The following EPG5 variants were observed in gnomAD, a reference collection of about 807,000 sequenced individuals.
EPG5 encodes ectopic P-granules 5 autophagy tethering factor.
Under a neutral mutation model 302.7 loss-of-function variants are expected in EPG5, and 159 were observed. The ratio of observed to expected loss-of-function variants is 0.53; its 90% confidence interval spans 0.46 to 0.60. The LOEUF is 0.60. Among genes scored for constraint, EPG5 ranks in the 20% least tolerant of loss-of-function variants. The pLI, the probability that EPG5 is intolerant of heterozygous loss-of-function variation, is 0.00. For synonymous variants in EPG5, 1,158 were observed against 1,136.8 expected (o/e 1.02, Z -0.37); for missense variants, 2,896 against 3,092.4 (o/e 0.94, Z 1.51).
Position 45,848,124 on chromosome 18 carries a change from G to C in EPG5, c.*4343C>G, listed in dbSNP as rs902925560. The C allele has an allele frequency of 6.6e-5, 10 of 152,138 alleles. No homozygotes were observed. Among genetic ancestry groups the C allele is most frequent in the African/African-American group, 2.4e-4 (10 of 41,430 alleles). The allele number at this position is 152,138 out of a possible 1,614,324, so 9.4% of individuals were successfully genotyped here. A position where few individuals can be genotyped will look rare whatever the true frequency, so the allele number is the denominator to read the frequency against. ...CCGGACCAAAATGAAGTCTGCGTTA[G>C]TAAGTCTAGAACTTTACCCAGCACA... is the stretch of plus-strand genomic sequence containing the variant. On this transcript the variant is annotated 3_prime_UTR_variant, in exon 44 of 44. Transcript: ENST00000282041.
chr18:45,851,292 C>T lies in EPG5; in HGVS notation c.*1175G>A, dbSNP rs969296434. The stretch of plus-strand genomic sequence containing the variant: ...CATCTAGAGCTGATAGAATGAGGAA[C>T]GTGGGAACAGAAGTCAAACTGCTCA... On this transcript the variant is annotated 3_prime_UTR_variant, in exon 44 of 44. Transcript: ENST00000282041. 9.2e-5 allele frequency: 14 copies of T among 152,160 alleles called. No individual in the cohort carries two copies. The highest frequency in any genetic ancestry group is 3.4e-4 in the African/African-American group (14 of 41,530). 9.4% of individuals were successfully genotyped at this position (152,160 alleles called of 1,614,324 possible).
chr18:45,915,908 G>T, intron 19 of EPG5, 101 bp downstream of exon 19: 1 of 1,067,330 alleles, frequency 9.4e-7, no homozygotes, highest in Non-Finnish European at 1.3e-6. Flanking sequence ...GAAGGTAATG[G>T]CCACAGAGTA....
the EPG5 span, chr18:45,837,479 G>A: frequency 6.9e-7 from 1 of 1,444,160 alleles, no homozygotes; most frequent in Non-Finnish European, 9.0e-7. Flanking sequence ...CGACCCCAGG[G>A]CCCCGAGCCT....
chr18:45,869,888 G>C (rs759759312), intron 36 of EPG5, among the ~76,000 whole-genome samples: 13 of 148,170 alleles, frequency 8.8e-5, no homozygotes, highest in Non-Finnish European at 1.5e-4. Flanking sequence ...ATGAACAAAT[G>C]AACTGAAACT....
chr18:45,913,587 G>C lies in EPG5; in HGVS notation c.3816+119C>G, dbSNP rs1308004152. On this transcript the variant is annotated intron_variant, in intron 21 of 43. Coordinates refer to ENST00000282041, the MANE Select transcript of EPG5 (RefSeq NM_020964.3). Reference sequence around the variant, plus strand: ...AGTTTTAAGTATTGGTTTGGTTGTTGAGCTTTCCAAACATTCACAACAAAA... The same window carrying C: ...AGTTTTAAGTATTGGTTTGGTTGTTCAGCTTTCCAAACATTCACAACAAAA... 7.1e-6 allele frequency: 9 copies of C among 1,258,974 alleles called. No homozygotes were observed. In the East Asian group the frequency reaches 1.7e-4, roughly 23 times the overall value. 78.0% of individuals were successfully genotyped at this position (1,258,974 alleles called of 1,614,324 possible).
In EPG5 at chr18:45,952,531, T is replaced by C. The variant is rs778126200; in HGVS notation, c.1121A>G (p.His374Arg). 10 of 1,613,960 alleles carry C rather than the reference T, an allele frequency of 6.2e-6. No individual in the cohort carries two copies. Among genetic ancestry groups the C allele is most frequent in the Non-Finnish European group, 7.6e-6 (9 of 1,180,018 alleles). Residue 374 changes from histidine (H) to arginine (R), a missense_variant, in exon 3 of 44, where the codon CAC becomes CGC. This residue lies in a region of EPG5 where 1,390 missense variants were observed against 1,430.0 expected (regional missense o/e 0.97). Transcript: ENST00000282041. ...ATGAAGGGCCAGGGTCTGGTGGAGG[T>C]GCTCAGATTTGGCATCGAATAGCTT... ...LKKLFDAKSE[H>R]LHQTLALHSY...
intron 1 of EPG5, among the ~76,000 whole-genome samples, chr18:45,956,680 G>A (rs1328516541): frequency 6.6e-6 from 1 of 151,952 alleles, no homozygotes; most frequent in Non-Finnish European, 1.5e-5. Context: ...TGATCCGTCC[G>A]CCTCAGCCTC....
chr18:45,949,141 A>C (rs2050850275), intron 5 of EPG5, among the ~76,000 whole-genome samples: 1 of 152,086 alleles, frequency 6.6e-6, no homozygotes, highest in African/African-American at 2.4e-5. Context: ...ACCTGTACCA[A>C]CTGTGGTGTA....
rs779267206 is a variant in EPG5 at position 45,934,801 on chromosome 18, G to A, written c.2257+8C>T. ...GAGCTGGACGCCGACTGCTCGGCGG[G>A]GCTGTACCTTGGAGCTGCTGCTTGC... On this transcript the variant is annotated splice_region_variant and intron_variant, in intron 11 of 43. Coordinates refer to ENST00000282041, the MANE Select transcript of EPG5 (RefSeq NM_020964.3). The A allele has an allele frequency of 1.2e-6, 2 of 1,609,530 alleles. No homozygotes were observed. Among genetic ancestry groups the A allele is most frequent in the Non-Finnish European group, 8.5e-7 (1 of 1,178,448 alleles).
At chr18:45,830,752 ATT>A in the EPG5 span, among the ~76,000 whole-genome samples, 52 of 118,116 alleles carry the variant, frequency 4.4e-4, no homozygotes, top group African/African-American at 1.5e-3. Context: ...TGCCAGGCTA[ATT>A]TTTTTTTTTT....
chr18:45,955,183 A>G lies in EPG5; in HGVS notation c.219T>C (p.Ser73=), dbSNP rs1182586725. 1 of 1,613,968 alleles carries G rather than the reference A, an allele frequency of 6.2e-7. No homozygotes were observed. Among genetic ancestry groups the G allele is most frequent in the East Asian group, 2.2e-5 (1 of 44,890 alleles). The change falls in exon 2 of 44, where the codon AGT becomes AGC. Residue 73 remains serine (S), a synonymous_variant. Coordinates refer to ENST00000282041, the MANE Select transcript of EPG5 (RefSeq NM_020964.3). ...CAAACATTTCACTCTCATTTTGTCC[A>G]CTGGCATCATCCTGGAGCTGGGAAT... is the stretch of plus-strand genomic sequence containing the variant. ...VTDSQLQDDA[S]GQNESEMFDV... is the part of the protein sequence containing the mutation.
chr18:45,916,230 T>C, intron 18 of EPG5, 24 bp from the exon 19 acceptor site: 5 of 1,590,594 alleles, frequency 3.1e-6, no homozygotes, highest in South Asian at 2.3e-5. Context: ...GCTCATGTGA[T>C]GGGAAAGATA....
At chr18:45,859,327 G>A (rs1427383811) in intron 40 of EPG5, among the ~76,000 whole-genome samples, 1 of 152,144 alleles carries the variant, frequency 6.6e-6, no homozygotes, top group African/African-American at 2.4e-5. Flanking sequence ...TCCACTCTTT[G>A]GGGGAGCGAG....
intron 16 of EPG5, among the ~76,000 whole-genome samples, chr18:45,920,636 A>T (rs997401479): frequency 3.3e-5 from 5 of 152,196 alleles, no homozygotes; most frequent in African/African-American, 4.8e-5. Flanking sequence ...GCGGGGTGCC[A>T]GGCTCTTCTT....
At chr18:45,860,604 A>C (rs1025334470) in intron 39 of EPG5, among the ~76,000 whole-genome samples, 8 of 152,352 alleles carry the variant, frequency 5.3e-5, no homozygotes, top group Admixed American at 5.2e-4. Context: ...GCAATACTTA[A>C]TAAATAGACA....
intron 43 of EPG5, 134 bp from the exon 44 acceptor site, chr18:45,852,783 C>G (rs2048441728): frequency 2.6e-6 from 2 of 760,214 alleles, no homozygotes; most frequent in Non-Finnish European, 4.3e-6. Context: ...GAACTGAGGC[C>G]AGGAGTCCGG....
At chr18:45,963,718 C>CAGAG (rs998423606) in intron 1 of EPG5, among the ~76,000 whole-genome samples, 5 of 152,202 alleles carry the variant, frequency 3.3e-5, no homozygotes, top group Non-Finnish European at 7.3e-5. Flanking sequence ...CAAGATCATA[C>CAGAG]AGAGCCCTTA....
chr18:45,807,297 T>C, the EPG5 span, among the ~76,000 whole-genome samples: 1 of 152,086 alleles, frequency 6.6e-6, no homozygotes, highest in Admixed American at 6.6e-5. Flanking sequence ...CTATCCACCC[T>C]GGTAATTGAA....
intron 35 of EPG5, among the ~76,000 whole-genome samples, chr18:45,874,144 T>A (rs2048924406): frequency 6.6e-6 from 1 of 152,246 alleles, no homozygotes; most frequent in South Asian, 2.1e-4. Context: ...AGAACACTAA[T>A]GTAAATCATG....
Sources: gnomAD v4.1 joint callset for allele counts (sites outside exome capture counted in the v4.1 genomes callset) on GRCh38, gnomAD v4.1.1 for gene constraint, gnomAD v4.1.1 regional missense constraint, MANE v1.5 for transcripts, NCBI Gene and HGNC (gene_info 2026-07-23, HGNC 2026-07-21) for gene names.